Variants in TBCK observed in about 807,000 individuals in gnomAD.
The protein encoded by TBCK is TBC domain-containing protein kinase-like protein.
TBCK carries 99 observed loss-of-function variants against 113.4 expected under a neutral mutation model. The observed-to-expected ratio is 0.87, with a 90% CI of 0.74 to 1.03. The LOEUF is 1.03. TBCK is among the 50% of genes least tolerant of loss of function. The probability of loss-of-function intolerance (pLI) is 0.00; values close to 1 mark genes in which losing one functional copy is unlikely to be tolerated. For synonymous variants in TBCK, 369 were observed against 370.8 expected, an observed-to-expected ratio of 1.00 and a Z score of 0.05; for missense variants, 1,045 against 1,061.3, an observed-to-expected ratio of 0.98 and a Z score of 0.21.
intron 23 of TBCK, among the ~76,000 whole-genome samples, chr4:106,132,206 C>A (rs933360761): frequency 6.6e-6 from 1 of 152,178 alleles, no homozygotes; most frequent in South Asian, 2.1e-4. Context: ...TTCATGGCAG[C>A]CCATCCTATC....
At chr4:106,129,356 T>C (rs973460125) in intron 23 of TBCK, among the ~76,000 whole-genome samples, 3 of 152,160 alleles carry the variant, frequency 2.0e-5, no homozygotes, top group African/African-American at 4.8e-5. Context: ...TGTGTTCTCA[T>C]TGTTCAGCTC....
chr4:106,149,900 G>A (rs574542388), intron 23 of TBCK, among the ~76,000 whole-genome samples: 1 of 152,332 alleles, frequency 6.6e-6, no homozygotes, highest in East Asian at 1.9e-4. Flanking sequence ...CTAAGTTGAA[G>A]TAATGGGTTT....
intron 25 of TBCK, among the ~76,000 whole-genome samples, chr4:106,051,045 C>T (rs1243351561): frequency 2.6e-5 from 4 of 151,780 alleles, no homozygotes; most frequent in Admixed American, 1.3e-4. Context: ...CATGTTTGCC[C>T]GGAGAAAGTT....
At chr4:106,251,148 A>G in intron 6 of TBCK, 1 of 393,962 alleles carries the variant, frequency 2.5e-6, no homozygotes, top group Non-Finnish European at 5.1e-6. Context: ...ATAGTTATAT[A>G]AATTTGGCAA....
At chr4:106,052,126 G>T (rs972536141) in intron 25 of TBCK, among the ~76,000 whole-genome samples, 1 of 151,460 alleles carries the variant, frequency 6.6e-6, no homozygotes, top group African/African-American at 2.4e-5. Context: ...CATTATATAA[G>T]GTATAAAACT....
At chr4:106,243,414 T>C (rs1351966109) in intron 11 of TBCK, among the ~76,000 whole-genome samples, 1 of 152,144 alleles carries the variant, frequency 6.6e-6, no homozygotes, top group African/African-American at 2.4e-5. Context: ...ATAAAATTTG[T>C]TTACAATTTC....
chr4:106,282,182 T>C (rs1230414433), intron 3 of TBCK, among the ~76,000 whole-genome samples: 1 of 152,132 alleles, frequency 6.6e-6, no homozygotes, highest in Non-Finnish European at 1.5e-5. Flanking sequence ...GATTTTCCAA[T>C]TTATTGGCAT....
At chr4:106,092,968 C>A (rs1448300923) in intron 25 of TBCK, among the ~76,000 whole-genome samples, 1 of 152,190 alleles carries the variant, frequency 6.6e-6, no homozygotes, top group African/African-American at 2.4e-5. Flanking sequence ...ACCAGGCCAG[C>A]CTCCAACATT....
intron 15 of TBCK, 121 bp downstream of exon 15, chr4:106,235,148 T>G (rs1759303176): frequency 1.8e-6 from 1 of 559,500 alleles, no homozygotes; most frequent in African/African-American, 1.9e-5. Flanking sequence ...AATATTCTAA[T>G]GCTTATATTT....
intron 4 of TBCK, 30 bp downstream of exon 4, chr4:106,262,068 T>C (rs1444014152): frequency 7.6e-7 from 1 of 1,318,120 alleles, no homozygotes; most frequent in Non-Finnish European, 1.1e-6. Flanking sequence ...AAATGATATA[T>C]AAATATTTAT....
intron 3 of TBCK, among the ~76,000 whole-genome samples, chr4:106,267,963 T>C (rs1172730957): frequency 6.6e-6 from 1 of 151,954 alleles, no homozygotes; most frequent in East Asian, 1.9e-4. Flanking sequence ...CAGCCAATAC[T>C]CCCAAATACA....
At chr4:106,199,021 T>C (rs542761308) in intron 20 of TBCK, among the ~76,000 whole-genome samples, 1 of 152,174 alleles carries the variant, frequency 6.6e-6, no homozygotes, top group African/African-American at 2.4e-5. Context: ...GCCTAATACA[T>C]GCCAGATCTG....
chr4:106,086,152 C>G (rs1195134049), intron 25 of TBCK, among the ~76,000 whole-genome samples: 2 of 151,624 alleles, frequency 1.3e-5, no homozygotes, highest in East Asian at 1.9e-4. Flanking sequence ...AATCCAGGAG[C>G]TTTTTTTTGA....
intron 19 of TBCK, among the ~76,000 whole-genome samples, chr4:106,219,346 T>C (rs1346600360): frequency 2.6e-5 from 4 of 151,234 alleles, no homozygotes; most frequent in East Asian, 3.9e-4. Context: ...AATGTGCACA[T>C]GTACCCTAAA....
At chr4:106,048,712 A>G (rs1734477834) in intron 25 of TBCK, among the ~76,000 whole-genome samples, 1 of 152,174 alleles carries the variant, frequency 6.6e-6, no homozygotes, top group African/African-American at 2.4e-5. Context: ...CTTAACTTTC[A>G]GTTCTTTCAA....
In TBCK at chr4:106,194,750, T is replaced by C. The variant is rs771383864; in HGVS notation, c.1865A>G (p.Tyr622Cys). The change falls in exon 21 of 26, where the codon TAT becomes TGT. Residue 622 changes from tyrosine (Y) to cysteine (C), a missense_variant. Transcript: ENST00000394708. ...CATGGTAAGAAACCAAGGGATGGCA[T>C]AGAGCTATGAGTGGAAAAAGGGGTA... ...LNEIGFIPDL[Y>C]AIPWFLTMFT... 5.7e-6 allele frequency: 9 copies of C among 1,582,630 alleles called. No individual in the cohort carries two copies. The highest frequency in any genetic ancestry group is 2.3e-5 in the East Asian group (1 of 43,064).
intron 23 of TBCK, among the ~76,000 whole-genome samples, chr4:106,154,621 T>A (rs1010656384): frequency 6.6e-6 from 1 of 152,056 alleles, no homozygotes; most frequent in African/African-American, 2.4e-5. Flanking sequence ...ATGTAGCATC[T>A]CCCCCCTCTC....
At position 106,258,405 on chromosome 4, in the gene TBCK, G is replaced by A. The variant is rs553755566; in HGVS notation, c.455+2032C>T. Among the ~76,000 whole-genome samples the A allele has an allele frequency of 7.4e-4, 113 of 152,144 alleles. 6 individuals are homozygous for A. In the South Asian group the frequency reaches 0.023, roughly 30 times the overall value. ...GAATCAACTGCAAGCTTCTTCTGGTGTAAATATTTTCTTTCATGCCTTAGC... is the reference window on the plus strand; with the variant it reads ...GAATCAACTGCAAGCTTCTTCTGGTATAAATATTTTCTTTCATGCCTTAGC... On this transcript the variant is annotated intron_variant, in intron 5 of 25. Coordinates refer to ENST00000394708, the MANE Select transcript of TBCK (RefSeq NM_001163435.3).
At chr4:106,050,551 T>TCTAA (rs1560579803) in intron 25 of TBCK, among the ~76,000 whole-genome samples, 1 of 152,056 alleles carries the variant, frequency 6.6e-6, no homozygotes, top group Non-Finnish European at 1.5e-5. Context: ...TAGAAAAATC[T>TCTAA]CTAACTCTTT....
Sources: gnomAD v4.1 joint callset for allele counts (sites outside exome capture counted in the v4.1 genomes callset) on GRCh38, gnomAD v4.1.1 for gene constraint, MANE v1.5 for transcripts, NCBI Gene and HGNC (gene_info 2026-07-23, HGNC 2026-07-21) for gene names.